Variants in PID1 observed in about 807,000 individuals in gnomAD.
PID1 encodes PTB-containing, cubilin and LRP1-interacting protein.
Under a neutral mutation model 19.1 loss-of-function variants are expected in PID1, and 10 were observed. The observed-to-expected ratio is 0.52, with a 90% CI of 0.32 to 0.89. The LOEUF (loss-of-function observed/expected upper bound fraction) is 0.89, where lower values mean the gene tolerates loss of function less well. Among genes scored for constraint, PID1 ranks in the 40% least tolerant of loss-of-function variants. The probability of loss-of-function intolerance (pLI) is 0.03; values close to 1 mark genes in which losing one functional copy is unlikely to be tolerated. For missense variants in PID1, 248 were observed against 285.3 expected (o/e 0.87, Z 0.94); for synonymous variants, 130 against 116.0 (o/e 1.12, Z -0.78).
Position 229,139,057 on chromosome 2 carries a change from G to GAGAAAGAAAGAAAGAA in PID1, c.177+16745_177+16760dup, listed in dbSNP as rs10701076. Among the ~76,000 whole-genome samples, 27 of 45,614 alleles carry GAGAAAGAAAGAAAGAA rather than the reference G, an allele frequency of 5.9e-4. 1 individual carries two copies. Among genetic ancestry groups the GAGAAAGAAAGAAAGAA allele is most frequent in the Non-Finnish European group, 8.0e-4 (18 of 22,628 alleles). 29.9% of individuals were successfully genotyped at this position (45,614 alleles called of 152,430 possible). On this transcript the variant is annotated intron_variant, in intron 2 of 2. Coordinates refer to ENST00000392055, the MANE Select transcript of PID1 (RefSeq NM_001100818.2). ...AAAGAAAGAGAAAGAAAGAAAGAAA[G>GAGAAAGAAAGAAAGAA]AGAAAGAAAGAAAGAAAGAAAGAAA...
intron 1 of PID1, among the ~76,000 whole-genome samples, chr2:229,162,217 TGC>T (rs1192497816): frequency 5.9e-5 from 9 of 152,364 alleles, no homozygotes. Context: ...AGCCCCATTA[TGC>T]AGACGGGGTA....
chr2:229,113,437 T>C (rs1695339556), intron 2 of PID1, among the ~76,000 whole-genome samples: 3 of 98,812 alleles, frequency 3.0e-5, no homozygotes, highest in East Asian at 2.8e-4. Context: ...CACATACATA[T>C]ATATACACAC....
At position 229,247,460 on chromosome 2, in the gene PID1, A is replaced by G. The variant is rs1303540493; in HGVS notation, c.30+23554T>C. Among the ~76,000 whole-genome samples, 4 of 152,214 alleles carry G rather than the reference A, an allele frequency of 2.6e-5. No individual in the cohort carries two copies. The East Asian group carries it at 5.8e-4, about 22-fold the overall frequency. ...AGATATCCCTGCTTATGTCCCACCA[A>G]CTACAACTAAATTGCTGTAGGACTA... On this transcript the variant is annotated intron_variant, in intron 1 of 2. Coordinates refer to ENST00000392055, the MANE Select transcript of PID1 (RefSeq NM_001100818.2).
At chr2:229,068,665 G>A (rs1231016331) in intron 2 of PID1, among the ~76,000 whole-genome samples, 2 of 152,138 alleles carry the variant, frequency 1.3e-5, no homozygotes, top group Non-Finnish European at 2.9e-5. Context: ...TGAAGGCTGG[G>A]CTAGTCCACA....
At chr2:229,210,674 A>G (rs1005786322) in intron 1 of PID1, among the ~76,000 whole-genome samples, 14 of 152,002 alleles carry the variant, frequency 9.2e-5, no homozygotes, top group Non-Finnish European at 1.8e-4. Flanking sequence ...TTACGTGCAG[A>G]TATTTTATTG....
At chr2:229,093,382 C>T (rs1694913756) in intron 2 of PID1, among the ~76,000 whole-genome samples, 1 of 152,086 alleles carries the variant, frequency 6.6e-6, no homozygotes, top group Non-Finnish European at 1.5e-5. Flanking sequence ...CCTCGGCCTC[C>T]CCAAGTGCTG....
intron 1 of PID1, among the ~76,000 whole-genome samples, chr2:229,234,202 G>A (rs1449520708): frequency 6.6e-6 from 1 of 152,068 alleles, no homozygotes; most frequent in African/African-American, 2.4e-5. Context: ...AACCATGGAG[G>A]GCCCTGAAAG....
intron 2 of PID1, among the ~76,000 whole-genome samples, chr2:229,120,023 A>G (rs1695485713): frequency 6.6e-6 from 1 of 152,110 alleles, no homozygotes; most frequent in Non-Finnish European, 1.5e-5. Flanking sequence ...AAACTACACC[A>G]CCAACTCTTC....
At chr2:229,188,019 C>G (rs2106228130) in intron 1 of PID1, among the ~76,000 whole-genome samples, 1 of 152,334 alleles carries the variant, frequency 6.6e-6, no homozygotes, top group South Asian at 2.1e-4. Flanking sequence ...CTTATCCCTA[C>G]TTATTCCTAT....
At chr2:229,163,675 G>GTGTGCGCA (rs751757150) in intron 1 of PID1, among the ~76,000 whole-genome samples, 2 of 20,104 alleles carry the variant, frequency 9.9e-5, no homozygotes, top group South Asian at 0.013. Flanking sequence ...GTGTGTGTGT[G>GTGTGCGCA]CGTGTGCGTG....
At chr2:229,097,642 G>A (rs1694997275) in intron 2 of PID1, among the ~76,000 whole-genome samples, 1 of 152,136 alleles carries the variant, frequency 6.6e-6, no homozygotes, top group Non-Finnish European at 1.5e-5. Flanking sequence ...ATTAGGAATA[G>A]TTCCCAACTG....
At chr2:229,246,572 G>A (rs914697504) in intron 1 of PID1, among the ~76,000 whole-genome samples, 9 of 152,078 alleles carry the variant, frequency 5.9e-5, no homozygotes, top group African/African-American at 1.7e-4. Context: ...TGACTGTGCC[G>A]CAAACTTTAG....
chr2:229,046,861 G>A (rs1269947371), intron 2 of PID1, among the ~76,000 whole-genome samples: 1 of 152,080 alleles, frequency 6.6e-6, no homozygotes, highest in African/African-American at 2.4e-5. Context: ...CAATCCAACG[G>A]TCTACTCGTT....
At chr2:229,056,590 C>A (rs1694106073) in intron 2 of PID1, among the ~76,000 whole-genome samples, 1 of 149,154 alleles carries the variant, frequency 6.7e-6, no homozygotes, top group Admixed American at 6.7e-5. Context: ...GACTACAGCC[C>A]AGAATATAAA....
chr2:229,202,592 TA>T (rs1279145481), intron 1 of PID1, among the ~76,000 whole-genome samples: 1 of 151,992 alleles, frequency 6.6e-6, no homozygotes, highest in East Asian at 1.9e-4. Flanking sequence ...GATTCCACCA[TA>T]CCAGCCTCAG....
chr2:229,226,131 C>A (rs2106262620), intron 1 of PID1, among the ~76,000 whole-genome samples: 1 of 152,314 alleles, frequency 6.6e-6, no homozygotes, highest in East Asian at 1.9e-4. Context: ...AGTATGCCAT[C>A]TGTTTCCAGC....
intron 1 of PID1, among the ~76,000 whole-genome samples, chr2:229,231,443 C>T (rs907279770): frequency 1.4e-4 from 21 of 152,084 alleles, no homozygotes; most frequent in African/African-American, 4.8e-4. Flanking sequence ...CATCACATGA[C>T]TATGTCACAG....
intron 1 of PID1, among the ~76,000 whole-genome samples, chr2:229,172,112 G>A (rs748339927): frequency 7.2e-5 from 11 of 152,120 alleles, no homozygotes; most frequent in South Asian, 2.1e-4. Flanking sequence ...GCTCCTTCCC[G>A]CCAGATCCTA....
intron 2 of PID1, among the ~76,000 whole-genome samples, chr2:229,141,555 CATACT>C (rs1366769111): frequency 6.6e-6 from 1 of 152,030 alleles, no homozygotes; most frequent in Non-Finnish European, 1.5e-5. Flanking sequence ...TTATTGCAGG[CATACT>C]AGGTGGAAAC....
Sources: allele counts gnomAD v4.1 joint callset (sites outside exome capture counted in the v4.1 genomes callset), GRCh38; gene constraint gnomAD v4.1.1; transcripts MANE v1.5; gene names NCBI Gene and HGNC (gene_info 2026-07-23, HGNC 2026-07-21).